Variants in NECAB1 observed in about 807,000 individuals in gnomAD.
NECAB1 encodes the protein N-terminal EF-hand calcium binding protein 1, also known as N-terminal EF-hand calcium-binding protein 1.
Under a neutral mutation model 57.5 loss-of-function variants are expected in NECAB1, and 29 were observed. The ratio of observed to expected loss-of-function variants is 0.50; its 90% CI spans 0.38 to 0.69. The LOEUF (loss-of-function observed/expected upper bound fraction) is 0.69. NECAB1 is among the 30% of genes least tolerant of loss of function. The pLI is 0.00. For synonymous variants in NECAB1, 142 were observed against 147.7 expected, an observed-to-expected ratio of 0.96 and a Z score of 0.28; for missense variants, 372 against 413.8, an observed-to-expected ratio of 0.90 and a Z score of 0.88.
intron 7 of NECAB1, 143 bp from the exon 8 acceptor site, chr8:90,928,080 A>G: frequency 1.6e-6 from 1 of 624,706 alleles, no homozygotes; most frequent in Non-Finnish European, 2.8e-6. Context: ...CTTAGAAAGC[A>G]CTCGTGAATA....
intron 5 of NECAB1, among the ~76,000 whole-genome samples, chr8:90,915,433 T>C (rs1237127621): frequency 6.6e-6 from 1 of 152,196 alleles, no homozygotes; most frequent in Non-Finnish European, 1.5e-5. Flanking sequence ...TTTAGCTTGA[T>C]TTAACTCACC....
In NECAB1 at chr8:90,892,939, C is replaced by T. The variant is rs190473200; in HGVS notation, c.357+11809C>T. ...TTCCCTGCTCATCTGGTACCCTCCC[C>T]ATCTCTCTAGTTCCACCTCGTGCCA... On this transcript the variant is annotated intron_variant, in intron 5 of 12. Transcript: ENST00000417640. Among the ~76,000 whole-genome samples the T allele has an allele frequency of 3.3e-5, 5 of 152,296 alleles. No individual in the cohort carries two copies. In the East Asian group the frequency reaches 7.7e-4, roughly 24 times the overall value.
At chr8:90,878,613 CTCTTCCTTCTCAGTCATTT>C (rs1170661242) in intron 4 of NECAB1, among the ~76,000 whole-genome samples, 1 of 152,148 alleles carries the variant, frequency 6.6e-6, no homozygotes, top group Non-Finnish European at 1.5e-5. Context: ...TATTGTAATT[CTCTTCCTTCTCAGTCATTT>C]TCTTTACTAT....
At chr8:90,855,220 C>A (rs535875468) in intron 3 of NECAB1, among the ~76,000 whole-genome samples, 2 of 152,252 alleles carry the variant, frequency 1.3e-5, no homozygotes, top group Middle Eastern at 6.8e-3. Context: ...TTCCTTATAT[C>A]CTGATCAAAT....
chr8:90,948,140 C>G (rs1380451044), intron 10 of NECAB1, among the ~76,000 whole-genome samples: 1 of 151,980 alleles, frequency 6.6e-6, no homozygotes, highest in Admixed American at 6.6e-5. Flanking sequence ...GGATTACATC[C>G]CTTTGAAACT....
chr8:90,819,642 A>T (rs112220186), intron 2 of NECAB1, among the ~76,000 whole-genome samples: 10 of 151,936 alleles, frequency 6.6e-5, no homozygotes, highest in African/African-American at 2.2e-4. Flanking sequence ...GGTGGTAAGG[A>T]GTGGGGAAGC....
At position 90,917,558 on chromosome 8, in the gene NECAB1, C is replaced by A; in HGVS notation, c.424C>A (p.Gln142Lys). The change falls in exon 6 of 13, where the codon CAG becomes AAG. Residue 142 changes from glutamine to lysine, a missense_variant. Coordinates refer to ENST00000417640, the MANE Select transcript of NECAB1 (RefSeq NM_022351.5). ...ATTTTTATTGAAGGAAACCCTGAAT[C>A]AGCTGCAGTCTCTCCAGAATTCCCT... ...TRFLLKETLN[Q>K]LQSLQNSLEC... 6.2e-7 allele frequency: 1 copy of A among 1,612,208 alleles called. No homozygotes were observed. Among genetic ancestry groups the A allele is most frequent in the Non-Finnish European group, 8.5e-7 (1 of 1,178,878 alleles).
At chr8:90,909,063 G>A (rs924267524) in intron 5 of NECAB1, among the ~76,000 whole-genome samples, 5 of 152,206 alleles carry the variant, frequency 3.3e-5, no homozygotes, top group African/African-American at 9.6e-5. Flanking sequence ...AAGTAAGCAC[G>A]TTCTTCTGAA....
intron 9 of NECAB1, among the ~76,000 whole-genome samples, chr8:90,939,775 C>T (rs1047898205): frequency 1.3e-5 from 2 of 152,164 alleles, no homozygotes; most frequent in Non-Finnish European, 2.9e-5. Context: ...GAATACCTAA[C>T]CTCTAAAATA....
Position 90,868,355 on chromosome 8 carries a change from C to T in NECAB1, c.234-3773C>T, listed in dbSNP as rs185885942. On this transcript the variant is annotated intron_variant, in intron 3 of 12. Transcript: ENST00000417640. ...TGGAAGCAACTTTGGAGCTGAGTAA[C>T]GGGCAGAGGTTGGAACTGTTTGGAG... Among the ~76,000 whole-genome samples, 17 of 152,150 alleles carry T rather than the reference C, an allele frequency of 1.1e-4. No homozygotes were observed. In the East Asian group the frequency reaches 2.5e-3, roughly 22 times the overall value.
At chr8:90,866,253 G>T (rs1808511010) in intron 3 of NECAB1, among the ~76,000 whole-genome samples, 1 of 152,206 alleles carries the variant, frequency 6.6e-6, no homozygotes, top group East Asian at 1.9e-4. Flanking sequence ...AAAACACAAT[G>T]ATGGCTGAGC....
rs575726354 is a variant in NECAB1, at chr8:90,868,095, C to T, written c.234-4033C>T. ...CCCTTCACTCTCTCTCTTTCTCCTGCTCCTGCCATATAAGATGTGTTTGCT... is the reference window on the plus strand; with the variant it reads ...CCCTTCACTCTCTCTCTTTCTCCTGTTCCTGCCATATAAGATGTGTTTGCT... On this transcript the variant is annotated intron_variant, in intron 3 of 12. Transcript: ENST00000417640. Among the ~76,000 whole-genome samples the T allele has an allele frequency of 6.6e-5, 10 of 152,230 alleles. No homozygotes were observed. The South Asian group carries it at 1.5e-3, about 22-fold the overall frequency.
intron 8 of NECAB1, among the ~76,000 whole-genome samples, chr8:90,931,209 G>C (rs1306464272): frequency 1.3e-5 from 2 of 152,008 alleles, no homozygotes; most frequent in Non-Finnish European, 2.9e-5. Flanking sequence ...TTAATGAATG[G>C]AGAAGCAGTG....
chr8:90,813,744 G>T lies in NECAB1; in HGVS notation c.125-10973G>T, dbSNP rs766540232. 8.6e-4 allele frequency among the ~76,000 whole-genome samples: 131 copies of T among 152,140 alleles called. 1 individual carries two copies. Among genetic ancestry groups the T allele is most frequent in the Admixed American group, 2.1e-3 (32 of 15,282 alleles). ...GGGTCTCACTATGTTGCCCAGGCTG[G>T]TCTCAAACTCCTGGCCTCAAGTGAT... is the stretch of plus-strand genomic sequence containing the variant. On this transcript the variant is annotated intron_variant, in intron 2 of 12. Transcript: ENST00000417640.
At chr8:90,927,089 A>C (rs1468458524) in intron 7 of NECAB1, among the ~76,000 whole-genome samples, 1 of 152,168 alleles carries the variant, frequency 6.6e-6, no homozygotes, top group Admixed American at 6.5e-5. Flanking sequence ...CAGCCACCTT[A>C]AATTATTTTG....
chr8:90,828,032 G>T (rs1315535549), intron 3 of NECAB1, among the ~76,000 whole-genome samples: 4 of 151,434 alleles, frequency 2.6e-5, no homozygotes, highest in African/African-American at 9.7e-5. Context: ...TAACTCTACT[G>T]GTTTTTCTCT....
intron 2 of NECAB1, among the ~76,000 whole-genome samples, chr8:90,810,721 A>G (rs1811944751): frequency 6.6e-6 from 1 of 152,142 alleles, no homozygotes; most frequent in Admixed American, 6.6e-5. Flanking sequence ...CCCTTACAAA[A>G]TTTTACGTTA....
At chr8:90,949,745 GA>G in intron 10 of NECAB1, 61 bp from the exon 11 acceptor site, 1 of 953,718 alleles carries the variant, frequency 1.0e-6, no homozygotes. Flanking sequence ...ATGGATATTA[GA>G]AAAGTTAGCT....
In NECAB1 at chr8:90,848,060, G is replaced by C. The variant is rs186350324; in HGVS notation, c.233+23235G>C. On this transcript the variant is annotated intron_variant, in intron 3 of 12. Coordinates refer to ENST00000417640, the MANE Select transcript of NECAB1 (RefSeq NM_022351.5). ...TTTGTCTTTTCTATTGCATTGTCAGGCTGCAAATTTTCCAAACTTTTATGG... is the reference window on the plus strand; with the variant it reads ...TTTGTCTTTTCTATTGCATTGTCAGCCTGCAAATTTTCCAAACTTTTATGG... Among the ~76,000 whole-genome samples the C allele has an allele frequency of 2.0e-3, 303 of 152,280 alleles. 1 individual carries two copies. Among genetic ancestry groups the C allele is most frequent in the African/African-American group, 7.1e-3 (294 of 41,544 alleles).
Sources: gnomAD v4.1 joint callset for allele counts (sites outside exome capture counted in the v4.1 genomes callset) on GRCh38, gnomAD v4.1.1 for gene constraint, MANE v1.5 for transcripts, NCBI Gene and HGNC (gene_info 2026-07-23, HGNC 2026-07-21) for gene names.